Variants in ELOA observed in about 807,000 individuals in gnomAD.
ELOA encodes elongin A, also known as elongin-A.
Under a neutral mutation model 85.2 loss-of-function variants are expected in ELOA, and 15 were observed. The ratio of observed to expected loss-of-function variants is 0.18; its 90% confidence interval spans 0.12 to 0.27. The LOEUF (loss-of-function observed/expected upper bound fraction) is 0.27. ELOA is among the 10% of genes least tolerant of loss of function. The probability of loss-of-function intolerance (pLI) is 1.00; values close to 1 mark genes in which losing one functional copy is unlikely to be tolerated. For missense variants in ELOA, 769 were observed against 952.7 expected (o/e 0.81, Z 2.54); for synonymous variants, 348 against 357.2 (o/e 0.97, Z 0.29).
rs960165177 is a variant in ELOA at position 23,761,309 on chromosome 1, C to T, written c.*1736C>T. 6.6e-6 allele frequency: 1 copy of T among 152,192 alleles called. No individual in the cohort carries two copies. The highest frequency in any genetic ancestry group is 1.5e-5 in the Non-Finnish European group (1 of 68,036). The allele number at this position is 152,192 out of a possible 1,614,324, so 9.4% of individuals were successfully genotyped here. On this transcript the variant is annotated 3_prime_UTR_variant, in exon 11 of 11. Transcript: ENST00000613537. ...ATATTAGGAAGCCTCTTAACTGAAA[C>T]CAAATGAACATTTGGGTCAGGTGCC... is the stretch of plus-strand genomic sequence containing the variant.
At position 23,752,531 on chromosome 1, in the gene ELOA, A is replaced by G; in HGVS notation, c.1537+13A>G. ...CCAAAGCGAAAAGGTAATTTTCTAT[A>G]TCTTCTTTTTCTTAATGGGAAAAAG... On this transcript the variant is annotated intron_variant, in intron 5 of 10. Coordinates refer to ENST00000613537, the MANE Select transcript of ELOA (RefSeq NM_003198.3). 1 of 1,609,258 alleles carries G rather than the reference A, an allele frequency of 6.2e-7. No homozygotes were observed. Among genetic ancestry groups the G allele is most frequent in the Non-Finnish European group, 8.5e-7 (1 of 1,176,918 alleles).
chr1:23,757,198 G>C (rs1644798101), intron 10 of ELOA, 73 bp downstream of exon 10: 1 of 1,452,216 alleles, frequency 6.9e-7, no homozygotes, highest in Non-Finnish European at 9.2e-7. Context: ...ATTATTCACT[G>C]TATTACATTT....
chr1:23,758,251 ATTTATTTATTTTTTTTTTTTTTTTTTT>A (rs987176681), intron 10 of ELOA, among the ~76,000 whole-genome samples: 1 of 48,566 alleles, frequency 2.1e-5, no homozygotes, highest in South Asian at 1.0e-3. Flanking sequence ...CTTCCAATTT[ATTTATTTATTTTTTTTTTTTTTTTTTT>A]TTTTTTTTTT....
chr1:23,746,645 GTGTTACATTTTCAC>G (rs918872643), intron 1 of ELOA, among the ~76,000 whole-genome samples: 4 of 148,086 alleles, frequency 2.7e-5, no homozygotes, highest in Admixed American at 2.7e-4. Context: ...TCCTCGTCCT[GTGTTACATTTTCAC>G]TGTGAAAGCT....
Position 23,759,726 on chromosome 1 carries a change from C to A in ELOA, c.*153C>A. On this transcript the variant is annotated 3_prime_UTR_variant, in exon 11 of 11. Coordinates refer to ENST00000613537, the MANE Select transcript of ELOA (RefSeq NM_003198.3). ...AGTCTGCAGGTGCTGCCCCTGGGAA[C>A]CTGCGTGCCACAGCCCCGCCTCCCT... 2.6e-6 allele frequency: 2 copies of A among 777,652 alleles called. No individual in the cohort carries two copies. Among genetic ancestry groups the A allele is most frequent in the South Asian group, 3.4e-5 (2 of 58,114 alleles). The allele number at this position is 777,652 out of a possible 1,614,324, so 48.2% of individuals were successfully genotyped here. A position where few individuals can be genotyped will look rare whatever the true frequency, so the allele number is the denominator to read the frequency against.
chr1:23,759,344 T>C (rs1193585605), intron 10 of ELOA, among the ~76,000 whole-genome samples, 168 bp from the exon 11 acceptor site: 1 of 152,272 alleles, frequency 6.6e-6, no homozygotes, highest in African/African-American at 2.4e-5. Flanking sequence ...GTGTCTGCTC[T>C]GTGCTGTTGC....
intron 1 of ELOA, among the ~76,000 whole-genome samples, chr1:23,744,558 A>G (rs2267961): frequency 0.26 from 38,979 of 151,204 alleles, 5,489 homozygotes; most frequent in Non-Finnish European, 0.32. Flanking sequence ...GGTTCAGGCA[A>G]TTGTCTGCCT....
In ELOA at chr1:23,751,840, G is replaced by C. The variant is rs1464565690; in HGVS notation, c.1235G>C (p.Ser412Thr). ...ACCATGTCTTTTGAATCCTACCTCA[G>C]CTATGACCAGCCCCGGAAGAAAAAG... ...QPTMSFESYL[S>T]YDQPRKKKKK... Residue 412 changes from serine (S) to threonine (T), a missense_variant, in exon 4 of 11, where the codon AGC becomes ACC. Physicochemically the swap from Ser to Thr is moderately conservative, Grantham distance 58. Around this residue, in one of 4 missense-constraint regions of ELOA, gnomAD observed 193 missense variants for 278.9 expected, o/e 0.69. Coordinates refer to ENST00000613537, the MANE Select transcript of ELOA (RefSeq NM_003198.3). 6 of 1,614,086 alleles carry C rather than the reference G, an allele frequency of 3.7e-6. No homozygotes were observed. The highest frequency in any genetic ancestry group is 5.1e-6 in the Non-Finnish European group (6 of 1,180,034).
chr1:23,752,398 C>T lies in ELOA; in HGVS notation c.1426-9C>T. On this transcript the variant is annotated splice_polypyrimidine_tract_variant and intron_variant, in intron 4 of 10. Transcript: ENST00000613537. ...ACTGACTCTCCACCCATGGGTCTGTCCCCTGCAGGTGCCTGATGTGTTGCC... is the reference window on the plus strand; with the variant it reads ...ACTGACTCTCCACCCATGGGTCTGTTCCCTGCAGGTGCCTGATGTGTTGCC... The T allele has an allele frequency of 6.2e-7, 1 of 1,613,316 alleles. No homozygotes were observed. Among genetic ancestry groups the T allele is most frequent in the East Asian group, 2.2e-5 (1 of 44,870 alleles).
intron 1 of ELOA, among the ~76,000 whole-genome samples, chr1:23,748,775 T>C (rs1296720672): frequency 6.6e-6 from 1 of 152,134 alleles, no homozygotes; most frequent in Non-Finnish European, 1.5e-5. Context: ...TGTAGCACAG[T>C]GGTTGAAAGC....
At position 23,752,417 on chromosome 1, in the gene ELOA, T is replaced by C. The variant is rs1644775469; in HGVS notation, c.1436T>C (p.Val479Ala). ...GTCTGTCCCCTGCAGGTGCCTGATG[T>C]GTTGCCAGTGTTGCCAGACCTCCCG... ...DLAKLRKVPD[V>A]LPVLPDLPLP... Residue 479 changes from valine to alanine, a missense_variant, in exon 5 of 11, where the codon GTG becomes GCG. Transcript: ENST00000613537. The C allele has an allele frequency of 1.1e-5, 17 of 1,614,044 alleles. No individual in the cohort carries two copies. The highest frequency in any genetic ancestry group is 1.4e-5 in the Non-Finnish European group (16 of 1,179,956).
At position 23,757,054 on chromosome 1, in the gene ELOA, C is replaced by G; in HGVS notation, c.2186C>G (p.Thr729Ser). The change falls in exon 10 of 11, where the codon ACC becomes AGC. Residue 729 changes from threonine to serine, a missense_variant. Physicochemically the swap from Thr to Ser is moderately conservative, Grantham distance 58 (BLOSUM62 1). Coordinates refer to ENST00000613537, the MANE Select transcript of ELOA (RefSeq NM_003198.3). Reference sequence around the variant, plus strand: ...GAGCCGGCCTATGATGGCCCAAGCACCAGCAGTGCCCACTTGGCACCAGTG... The same window carrying G: ...GAGCCGGCCTATGATGGCCCAAGCAGCAGCAGTGCCCACTTGGCACCAGTG... ...PEEPAYDGPS[T>S]SSAHLAPVVS... 2 of 1,610,896 alleles carry G rather than the reference C, an allele frequency of 1.2e-6. No individual in the cohort carries two copies. The highest frequency in any genetic ancestry group is 1.7e-6 in the Non-Finnish European group (2 of 1,179,046).
chr1:23,755,292 A>G (rs1361961363), intron 7 of ELOA, among the ~76,000 whole-genome samples: 2 of 152,210 alleles, frequency 1.3e-5, no homozygotes, highest in African/African-American at 2.4e-5. Context: ...TCTAAAGGAA[A>G]AGACTGATGT....
Position 23,750,986 on chromosome 1 carries a change from C to T in ELOA, c.381C>T (p.Asp127=). Residue 127 remains aspartate (D), a synonymous_variant, in exon 4 of 11, where the codon GAC becomes GAT. Transcript: ENST00000613537. ...KATGSRSYSP[D]HRQKKHRKLS... is the part of the protein sequence containing the mutation. ...CGGGGAGCCGATCCTATAGCCCTGA[C>T]CACAGGCAGAAGAAACATAGGAAAC... 1.2e-6 allele frequency: 2 copies of T among 1,614,008 alleles called. No individual in the cohort carries two copies. The highest frequency in any genetic ancestry group is 8.5e-7 in the Non-Finnish European group (1 of 1,180,026).
rs758684943 is a variant in ELOA, at chr1:23,759,577, G to A, written c.*4G>A. 5.6e-6 allele frequency: 9 copies of A among 1,614,048 alleles called. No individual in the cohort carries two copies. In the East Asian group the frequency reaches 1.8e-4, roughly 32 times the overall value. On this transcript the variant is annotated 3_prime_UTR_variant, in exon 11 of 11. Coordinates refer to ENST00000613537, the MANE Select transcript of ELOA (RefSeq NM_003198.3). ...GAACAGATTCTCCCGACGATAAACT[G>A]AGGACTTGCCTTGGAAATGGAATCT...
chr1:23,754,202 A>T lies in ELOA; in HGVS notation c.1640A>T (p.Lys547Ile). 6.2e-7 allele frequency: 1 copy of T among 1,614,206 alleles called. No individual in the cohort carries two copies. The highest frequency in any genetic ancestry group is 8.5e-7 in the Non-Finnish European group (1 of 1,180,034). ...GGTTCCAAGTGTGCCTATCTCCCTAAAATGATGACCTTGCACCAGCAATGC... is the reference window on the plus strand; with the variant it reads ...GGTTCCAAGTGTGCCTATCTCCCTATAATGATGACCTTGCACCAGCAATGC... Reference protein sequence around the residue: ...YSGSKCAYLPKMMTLHQQCIR... With the variant: ...YSGSKCAYLPIMMTLHQQCIR... Residue 547 changes from lysine to isoleucine, a missense_variant, in exon 6 of 11, where the codon AAA becomes ATA. Lys to Ile is a moderately radical substitution (Grantham distance 102). This residue lies in a region of ELOA where 193 missense variants were observed against 278.9 expected (regional missense o/e 0.69). Coordinates refer to ENST00000613537, the MANE Select transcript of ELOA (RefSeq NM_003198.3).
At chr1:23,752,131 G>A in intron 4 of ELOA, 101 bp downstream of exon 4, 3 of 1,226,882 alleles carry the variant, frequency 2.4e-6, no homozygotes, top group Non-Finnish European at 2.3e-6. Context: ...TGCTTTTGGG[G>A]GGCATGTTGA....
rs779220883 is a variant in ELOA, at chr1:23,749,937, T to A, written c.228T>A (p.Val76=). The part of the protein sequence containing the change: ...RDLVAQWKKL[V]PVERNAEPDE... ...TAGTGGCCCAGTGGAAGAAGCTGGT[T>A]CCTGTGGAACGGTAAGAACATTTCT... The change falls in exon 3 of 11, where the codon GTT becomes GTA. Residue 76 remains valine (V), a synonymous_variant. Coordinates refer to ENST00000613537, the MANE Select transcript of ELOA (RefSeq NM_003198.3). The A allele has an allele frequency of 6.2e-7, 1 of 1,613,744 alleles. No individual in the cohort carries two copies.
rs1345462962 is a variant in ELOA, at chr1:23,760,067, G to C, written c.*494G>C. 6.2e-6 allele frequency: 1 copy of C among 161,718 alleles called. No homozygotes were observed. Among genetic ancestry groups the C allele is most frequent in the Admixed American group, 6.1e-5 (1 of 16,356 alleles). The allele number at this position is 161,718 out of a possible 1,614,324, so 10.0% of individuals were successfully genotyped here. ...CCAGACAGAGGACTGGGCATCTCCA[G>C]AGCCTGCACAGTACCTGCTGCACGT... On this transcript the variant is annotated 3_prime_UTR_variant, in exon 11 of 11. Transcript: ENST00000613537.
Sources: allele counts gnomAD v4.1 joint callset (sites outside exome capture counted in the v4.1 genomes callset), GRCh38; gene constraint gnomAD v4.1.1; regional missense constraint gnomAD v4.1.1; transcripts MANE v1.5; gene names NCBI Gene and HGNC (gene_info 2026-07-23, HGNC 2026-07-21).